Variants in EP400 observed in about 807,000 individuals in gnomAD.
EP400 encodes E1A-binding protein p400.
Under a neutral mutation model 354.1 loss-of-function variants are expected in EP400, and 105 were observed. That is an observed-to-expected ratio of 0.30 (90% confidence interval 0.25 to 0.35). The LOEUF (loss-of-function observed/expected upper bound fraction) is 0.35. Ranked by LOEUF, EP400 falls within the 10% of genes least tolerant of loss-of-function variation. EP400 has a pLI of 1.00. For synonymous variants in EP400, 1,646 were observed against 1,716.9 expected (o/e 0.96, Z 1.02); for missense variants, 3,280 against 4,121.0 (o/e 0.80, Z 5.59).
intron 12 of EP400, among the ~76,000 whole-genome samples, chr12:131,995,610 A>G (rs900275343): frequency 6.8e-6 from 1 of 146,434 alleles, no homozygotes; most frequent in Non-Finnish European, 1.5e-5. Context: ...TGAGAACTTC[A>G]CGTGAATGAA....
At chr12:131,975,427 T>C (rs1253036745) in intron 2 of EP400, among the ~76,000 whole-genome samples, 1 of 152,238 alleles carries the variant, frequency 6.6e-6, no homozygotes, top group Non-Finnish European at 1.5e-5. Context: ...TATCTGTGTG[T>C]TGGTCCTTAC....
intron 15 of EP400, 26 bp from the exon 16 acceptor site, chr12:132,011,472 G>A (rs1357836537): frequency 3.1e-6 from 5 of 1,611,344 alleles, no homozygotes; most frequent in Admixed American, 1.7e-5. Flanking sequence ...ACTTTGACGT[G>A]GAAAATTCTG....
intron 47 of EP400, 57 bp from the exon 48 acceptor site, chr12:132,064,611 A>G (rs953524210): frequency 1.4e-4 from 213 of 1,576,884 alleles, no homozygotes; most frequent in Non-Finnish European, 1.6e-4. Context: ...CAAGATGTCT[A>G]CTTAAAGAAT....
chr12:132,072,449 A>G (rs1443677517), intron 51 of EP400, among the ~76,000 whole-genome samples: 4 of 152,178 alleles, frequency 2.6e-5, no homozygotes, highest in Non-Finnish European at 5.9e-5. Flanking sequence ...AGTGTTTCTT[A>G]ATTTCCAGGT....
chr12:131,957,521 CT>C (rs1216772545), intron 1 of EP400, among the ~76,000 whole-genome samples: 1 of 120,516 alleles, frequency 8.3e-6, no homozygotes, highest in Admixed American at 8.2e-5. Flanking sequence ...ATTTTTCTTT[CT>C]TTCTTTTTTT....
chr12:132,029,350 C>T lies in EP400; in HGVS notation c.5382-351C>T, dbSNP rs1297425481. The T allele has an allele frequency of 6.3e-6, 2 of 318,070 alleles. No homozygotes were observed. Among genetic ancestry groups the T allele is most frequent in the Non-Finnish European group, 1.2e-5 (2 of 170,274 alleles). 19.7% of individuals were successfully genotyped at this position (318,070 alleles called of 1,614,324 possible). A position where few individuals can be genotyped will look rare whatever the true frequency, so the allele number is the denominator to read the frequency against. ...GTGGCTATAGCAGTTCTAGGGTCCACGAGACAGTGCACCTTTGTCCCAAAG... is the reference window on the plus strand; with the variant it reads ...GTGGCTATAGCAGTTCTAGGGTCCATGAGACAGTGCACCTTTGTCCCAAAG... On this transcript the variant is annotated intron_variant, in intron 27 of 52. Coordinates refer to ENST00000389561, the MANE Select transcript of EP400 (RefSeq NM_015409.5). The surrounding 1 kb of genome is among the most constrained non-coding windows in gnomAD (Gnocchi z 4.7).
At chr12:132,028,491 G>A (rs1041558595) in intron 27 of EP400, among the ~76,000 whole-genome samples, 1 of 152,146 alleles carries the variant, frequency 6.6e-6, no homozygotes, top group Admixed American at 6.5e-5. Flanking sequence ...TGCCAGGTGC[G>A]GCTTCTGAAG....
intron 45 of EP400, among the ~76,000 whole-genome samples, chr12:132,055,824 A>C (rs1027214964): frequency 5.9e-5 from 9 of 151,488 alleles, no homozygotes; most frequent in Admixed American, 2.0e-4. Flanking sequence ...GCGGGATGTG[A>C]GGGTCCGCTG....
chr12:132,032,534 T>C (rs1278524069), intron 30 of EP400, among the ~76,000 whole-genome samples: 1 of 151,934 alleles, frequency 6.6e-6, no homozygotes, highest in Non-Finnish European at 1.5e-5. Flanking sequence ...TTTTGGGTTG[T>C]TTTAATTATG....
In EP400 at chr12:132,021,294, C is replaced by G; in HGVS notation, c.4663C>G (p.Pro1555Ala). 1 of 1,525,662 alleles carries G rather than the reference C, an allele frequency of 6.6e-7. No homozygotes were observed. Among genetic ancestry groups the G allele is most frequent in the Non-Finnish European group, 8.8e-7 (1 of 1,142,824 alleles). The allele number at this position is 1,525,662 out of a possible 1,614,324, so 94.5% of individuals were successfully genotyped here. A position where few individuals can be genotyped will look rare whatever the true frequency, so the allele number is the denominator to read the frequency against. Residue 1555 changes from proline (P) to alanine (A), a missense_variant, in exon 23 of 53, where the codon CCC becomes GCC. This residue lies in a region of EP400 where 342 missense variants were observed against 342.7 expected (regional missense o/e 1.00). Coordinates refer to ENST00000389561, the MANE Select transcript of EP400 (RefSeq NM_015409.5). ...CGCGCTGCCTCAGAGGCTGGTGCTCCCCTCGCAGGCCCAGGCCCGCTTGCC... is the reference window on the plus strand; with the variant it reads ...CGCGCTGCCTCAGAGGCTGGTGCTCGCCTCGCAGGCCCAGGCCCGCTTGCC... Reference protein sequence around the residue: ...QSALPQRLVLPSQAQARLPSG... With the variant: ...QSALPQRLVLASQAQARLPSG...
intron 45 of EP400, 74 bp from the exon 46 acceptor site, chr12:132,062,036 T>C (rs1895711830): frequency 7.2e-7 from 1 of 1,388,462 alleles, no homozygotes. Context: ...GCTCTTGTCT[T>C]CCCTGCTCTG....
chr12:131,995,509 C>G (rs960533677), intron 12 of EP400, among the ~76,000 whole-genome samples: 1 of 149,830 alleles, frequency 6.7e-6, no homozygotes, highest in Non-Finnish European at 1.5e-5. Flanking sequence ...CACAGCTTGA[C>G]TGAATGTACC....
chr12:132,037,835 T>C (rs746569104), intron 31 of EP400, 42 bp downstream of exon 31: 2 of 1,611,138 alleles, frequency 1.2e-6, no homozygotes, highest in Non-Finnish European at 1.7e-6. Flanking sequence ...AGACCCGCCA[T>C]GCGGCGCGTG....
In EP400 at chr12:132,053,523, A is replaced by C; in HGVS notation, c.7654A>C (p.Thr2552Pro). ...VQPQPQPQPQ[T>P]QPQPVQAPAK... ...GCCCCAACCCCAGCCACAGCCCCAG[A>C]CCCAGCCACAGCCTGTGCAGGCCCC... is the stretch of plus-strand genomic sequence containing the variant. The change falls in exon 43 of 53, where the codon ACC (threonine) becomes CCC (proline). Residue 2552 changes from threonine (T) to proline (P), a missense_variant. Coordinates refer to ENST00000389561, the MANE Select transcript of EP400 (RefSeq NM_015409.5). The C allele has an allele frequency of 6.5e-7, 1 of 1,545,702 alleles. No individual in the cohort carries two copies. The highest frequency in any genetic ancestry group is 1.4e-5 in the African/African-American group (1 of 73,428).
intron 11 of EP400, among the ~76,000 whole-genome samples, chr12:131,992,940 C>T (rs1368657392): frequency 1.3e-5 from 2 of 152,110 alleles, no homozygotes; most frequent in African/African-American, 4.8e-5. Flanking sequence ...TTGATCTTTG[C>T]TATGTGTTGA....
At chr12:132,056,526 A>T (rs1895522441) in intron 45 of EP400, among the ~76,000 whole-genome samples, 1 of 152,202 alleles carries the variant, frequency 6.6e-6, no homozygotes. Context: ...GTGCTGTAAC[A>T]GTTGGGCAGC....
At chr12:132,020,472 C>T (rs1039499672) in intron 22 of EP400, among the ~76,000 whole-genome samples, 2 of 152,174 alleles carry the variant, frequency 1.3e-5, no homozygotes, top group African/African-American at 4.8e-5. Context: ...CTCACAGCCA[C>T]TGGGCAGGCT....
intron 39 of EP400, among the ~76,000 whole-genome samples, chr12:132,049,509 A>G (rs779595817): frequency 1.3e-5 from 2 of 152,202 alleles, no homozygotes; most frequent in Non-Finnish European, 2.9e-5. Context: ...ACAGACATGT[A>G]TACATGTACC....
chr12:132,053,056 C>A, intron 41 of EP400, 90 bp from the exon 42 acceptor site: 3 of 1,389,548 alleles, frequency 2.2e-6, no homozygotes, highest in Non-Finnish European at 3.1e-6. Context: ...GCTGCCCCAG[C>A]ACCTGGCAGC....
Sources: gnomAD v4.1 joint callset for allele counts (sites outside exome capture counted in the v4.1 genomes callset) on GRCh38, gnomAD v4.1.1 for gene constraint, gnomAD v4.1.1 regional missense constraint, Gnocchi (gnomAD v3.1) non-coding constraint, MANE v1.5 for transcripts, NCBI Gene and HGNC (gene_info 2026-07-23, HGNC 2026-07-21) for gene names.